PITPNC1: variants seen among roughly 807,000 people sequenced by gnomAD.
The protein encoded by PITPNC1 is cytoplasmic phosphatidylinositol transfer protein 1.
In PITPNC1, 18 loss-of-function variants were observed where a neutral mutation model predicts 44.7. The observed-to-expected ratio is 0.40, with a 90% CI of 0.28 to 0.60. The LOEUF is 0.60. Among genes scored for constraint, PITPNC1 ranks in the 20% least tolerant of loss-of-function variants. The probability of loss-of-function intolerance (pLI) is 0.39; values close to 1 mark genes in which losing one functional copy is unlikely to be tolerated. For missense variants in PITPNC1, 290 were observed against 418.4 expected (o/e 0.69, Z 2.68); for synonymous variants, 141 against 149.6 (o/e 0.94, Z 0.42).
Position 67,679,923 on chromosome 17 carries a change from T to C in PITPNC1, c.682+4381T>C, listed in dbSNP as rs1341238927. Among the ~76,000 whole-genome samples the C allele has an allele frequency of 3.3e-5, 5 of 152,228 alleles. No homozygotes were observed. In the South Asian group the frequency reaches 8.3e-4, roughly 25 times the overall value. On this transcript the variant is annotated intron_variant, in intron 8 of 8. Transcript: ENST00000581322. Reference sequence around the variant, plus strand: ...TGTTTTGAGAAAGGAACACAGAACATTGCCAGAAGGAGCCTATGATTGAGG... The same window carrying C: ...TGTTTTGAGAAAGGAACACAGAACACTGCCAGAAGGAGCCTATGATTGAGG...
intron 5 of PITPNC1, among the ~76,000 whole-genome samples, chr17:67,627,751 C>G (rs899973393): frequency 6.6e-6 from 1 of 152,126 alleles, no homozygotes; most frequent in African/African-American, 2.4e-5. Flanking sequence ...CCAGTCTGAG[C>G]TTCTCTGCTG....
intron 5 of PITPNC1, among the ~76,000 whole-genome samples, chr17:67,628,273 C>T (rs563917275): frequency 3.9e-5 from 6 of 152,200 alleles, no homozygotes; most frequent in African/African-American, 1.4e-4. Flanking sequence ...GATAGCTCCC[C>T]AGTCTGTCTC....
At chr17:67,669,451 TTAA>T (rs1239879160) in intron 6 of PITPNC1, 54 bp from the exon 7 acceptor site, 14 of 1,236,448 alleles carry the variant, frequency 1.1e-5, no homozygotes, top group Non-Finnish European at 1.0e-5. Flanking sequence ...TTCCTGACAT[TTAA>T]TAATGATGGT....
chr17:67,571,684 C>A (rs1030759381), intron 4 of PITPNC1, among the ~76,000 whole-genome samples: 15 of 152,248 alleles, frequency 9.9e-5, no homozygotes, highest in African/African-American at 3.4e-4. Flanking sequence ...TCTTCTCCGG[C>A]TGTCACTCTC....
chr17:67,487,997 G>C (rs771328612), intron 1 of PITPNC1, among the ~76,000 whole-genome samples: 2 of 152,202 alleles, frequency 1.3e-5, no homozygotes, highest in Non-Finnish European at 2.9e-5. Context: ...CAGTAAAGGA[G>C]AAAGCTTACT....
At chr17:67,479,269 CCA>C (rs1225075897) in intron 1 of PITPNC1, among the ~76,000 whole-genome samples, 2 of 152,134 alleles carry the variant, frequency 1.3e-5, no homozygotes, top group African/African-American at 4.8e-5. Flanking sequence ...TTTCTGCCTA[CCA>C]CACACACGTC....
At position 67,416,718 on chromosome 17, in the gene PITPNC1, A is replaced by G. The variant is rs534972939; in HGVS notation, c.48+38516A>G. On this transcript the variant is annotated intron_variant, in intron 1 of 8. Transcript: ENST00000581322. ...CTGAACCACGTTCCTCTTTTATGCA[A>G]CTTGGCACCTATGTCACCATTCAAG... is the stretch of plus-strand genomic sequence containing the variant. Among the ~76,000 whole-genome samples, 4 of 152,330 alleles carry G rather than the reference A, an allele frequency of 2.6e-5. No homozygotes were observed. In the East Asian group the frequency reaches 7.7e-4, roughly 29 times the overall value.
chr17:67,480,578 G>A (rs1164492435), intron 1 of PITPNC1, among the ~76,000 whole-genome samples: 2 of 152,116 alleles, frequency 1.3e-5, no homozygotes, highest in Non-Finnish European at 2.9e-5. Flanking sequence ...TTAAATAAAA[G>A]ATGATATTAA....
At chr17:67,500,745 T>C (rs577117638) in intron 1 of PITPNC1, among the ~76,000 whole-genome samples, 1 of 151,994 alleles carries the variant, frequency 6.6e-6, no homozygotes, top group East Asian at 1.9e-4. Context: ...TCATGGCCCA[T>C]GGCTCACGGC....
At chr17:67,517,089 C>T (rs2040268696) in intron 1 of PITPNC1, among the ~76,000 whole-genome samples, 1 of 152,246 alleles carries the variant, frequency 6.6e-6, no homozygotes, top group Non-Finnish European at 1.5e-5. Context: ...TGAAGTTCAG[C>T]TCTTCATTGT....
chr17:67,497,065 G>GT (rs2039961562), intron 1 of PITPNC1, among the ~76,000 whole-genome samples: 1 of 152,080 alleles, frequency 6.6e-6, no homozygotes, highest in Non-Finnish European at 1.5e-5. Context: ...GTTCAAGGCT[G>GT]TTTTTAGCTA....
At chr17:67,557,137 C>T (rs905892716) in intron 4 of PITPNC1, among the ~76,000 whole-genome samples, 10 of 152,138 alleles carry the variant, frequency 6.6e-5, no homozygotes, top group Non-Finnish European at 1.3e-4. Context: ...GACTGGGTTC[C>T]TGGTGAGGGC....
At chr17:67,415,283 A>G (rs1020801704) in intron 1 of PITPNC1, among the ~76,000 whole-genome samples, 4 of 152,302 alleles carry the variant, frequency 2.6e-5, no homozygotes, top group African/African-American at 9.6e-5. Flanking sequence ...TTACCAGGAA[A>G]GGTTTTTCTC....
intron 5 of PITPNC1, among the ~76,000 whole-genome samples, chr17:67,608,353 C>G (rs1433960921): frequency 3.3e-5 from 5 of 151,298 alleles, no homozygotes; most frequent in Non-Finnish European, 7.4e-5. Context: ...ACCTGAGCAA[C>G]ATAGTGAGAT....
chr17:67,671,946 T>G (rs2042521280), intron 7 of PITPNC1, among the ~76,000 whole-genome samples: 1 of 152,078 alleles, frequency 6.6e-6, no homozygotes, highest in Non-Finnish European at 1.5e-5. Context: ...TTTTGTTTTG[T>G]TTTTTTGAGA....
Position 67,632,361 on chromosome 17 carries a change from G to A in PITPNC1, c.462+123G>A, listed in dbSNP as rs137887762. 1,116 of 654,218 alleles carry A rather than the reference G, an allele frequency of 1.7e-3. 11 individuals are homozygous for A. Among genetic ancestry groups the A allele is most frequent in the East Asian group, 0.017 (598 of 35,918 alleles). The allele number at this position is 654,218 out of a possible 1,614,324, so 40.5% of individuals were successfully genotyped here. A position where few individuals can be genotyped will look rare whatever the true frequency, so the allele number is the denominator to read the frequency against. Reference sequence around the variant, plus strand: ...CGTCGTGTGGATTCAATTTGCTTTCGTATCTTGCTGGTTCTTTTTGCAAGT... The same window carrying A: ...CGTCGTGTGGATTCAATTTGCTTTCATATCTTGCTGGTTCTTTTTGCAAGT... On this transcript the variant is annotated intron_variant, in intron 6 of 8. Coordinates refer to ENST00000581322, the MANE Select transcript of PITPNC1 (RefSeq NM_012417.4).
chr17:67,567,394 G>T (rs989081566), intron 4 of PITPNC1, among the ~76,000 whole-genome samples: 4 of 152,080 alleles, frequency 2.6e-5, no homozygotes, highest in African/African-American at 9.7e-5. Flanking sequence ...TGAAGCAGGA[G>T]AATGGCATGA....
chr17:67,516,997 T>TA (rs11393628), intron 1 of PITPNC1, among the ~76,000 whole-genome samples: 104,460 of 152,050 alleles, frequency 0.69, 36,097 homozygotes, highest in East Asian at 0.77. Context: ...GCTCTGTTCC[T>TA]ACCCCTTGCA....
intron 1 of PITPNC1, among the ~76,000 whole-genome samples, chr17:67,403,760 G>A (rs983840798): frequency 3.3e-5 from 5 of 152,174 alleles, no homozygotes; most frequent in African/African-American, 4.8e-5. Context: ...TATGTCTCAC[G>A]GCTGTAATCC....
Sources: allele counts gnomAD v4.1 joint callset (sites outside exome capture counted in the v4.1 genomes callset), GRCh38; gene constraint gnomAD v4.1.1; transcripts MANE v1.5; gene names NCBI Gene and HGNC (gene_info 2026-07-23, HGNC 2026-07-21).